The following NAALADL2 variants were observed in gnomAD, a reference collection of about 807,000 sequenced individuals.
NAALADL2 encodes N-acetylated alpha-linked acidic dipeptidase like 2.
NAALADL2 carries 76 observed loss-of-function variants against 87.2 expected under a neutral mutation model. That is an observed-to-expected ratio of 0.87 (90% CI 0.72 to 1.05). NAALADL2 has a LOEUF of 1.05. Among genes scored for constraint, NAALADL2 ranks in the 50% least tolerant of loss-of-function variants. NAALADL2 has a pLI of 0.00. For synonymous variants in NAALADL2, 354 were observed against 331.0 expected, an observed-to-expected ratio of 1.07 and a Z score of -0.75; for missense variants, 1,089 against 945.8, an observed-to-expected ratio of 1.15 and a Z score of -1.99.
intron 3 of NAALADL2, among the ~76,000 whole-genome samples, chr3:174,808,827 C>T (rs1719815381): frequency 6.6e-6 from 1 of 151,046 alleles, no homozygotes; most frequent in South Asian, 2.1e-4. Context: ...TGTGTGTGCA[C>T]ATGCATGTGT....
intron 1 of NAALADL2, among the ~76,000 whole-genome samples, chr3:174,530,900 T>C (rs1243579839): frequency 6.6e-6 from 1 of 152,214 alleles, no homozygotes; most frequent in Non-Finnish European, 1.5e-5. Context: ...TGACTTAAAA[T>C]ATTGAAAGGA....
At chr3:175,333,557 TAAAC>T (rs1761649247) in intron 5 of NAALADL2, among the ~76,000 whole-genome samples, 1 of 152,102 alleles carries the variant, frequency 6.6e-6, no homozygotes, top group African/African-American at 2.4e-5. Flanking sequence ...TCATGTGAAA[TAAAC>T]AAGGCATAGA....
At chr3:175,217,913 A>G (rs906890896) in intron 2 of NAALADL2, among the ~76,000 whole-genome samples, 8 of 152,330 alleles carry the variant, frequency 5.3e-5, no homozygotes, top group African/African-American at 1.9e-4. Flanking sequence ...ATCAGTTTGT[A>G]CGTATAGAAG....
chr3:175,788,883 A>T (rs1752436785), intron 13 of NAALADL2, among the ~76,000 whole-genome samples: 2 of 152,182 alleles, frequency 1.3e-5, no homozygotes, highest in Admixed American at 1.3e-4. Flanking sequence ...TAAAATTTTT[A>T]TTAGCATATC....
At chr3:175,617,867 G>A (rs542646242) in intron 10 of NAALADL2, among the ~76,000 whole-genome samples, 119 of 152,258 alleles carry the variant, frequency 7.8e-4, no homozygotes, top group African/African-American at 2.8e-3. Context: ...TGGAGTAATT[G>A]AGAGGCTTAG....
At chr3:175,708,508 A>G (rs982156296) in intron 11 of NAALADL2, among the ~76,000 whole-genome samples, 12 of 152,014 alleles carry the variant, frequency 7.9e-5, no homozygotes, top group Non-Finnish European at 1.5e-4. Flanking sequence ...TTTTTCTGGG[A>G]ATATAATAAT....
In NAALADL2 at chr3:175,066,006, A is replaced by T. The variant is rs532953058; in HGVS notation, c.44-30784A>T. Among the ~76,000 whole-genome samples, 12 of 152,308 alleles carry T rather than the reference A, an allele frequency of 7.9e-5. No homozygotes were observed. The South Asian group carries it at 2.5e-3, about 32-fold the overall frequency. ...GAGTGAAAGGATGTATAACGGGAAC[A>T]GTGTAACCGAATGCACTTTGAGATT... On this transcript the variant is annotated intron_variant, in intron 1 of 13. Coordinates refer to ENST00000454872, the MANE Select transcript of NAALADL2 (RefSeq NM_207015.3).
intron 2 of NAALADL2, among the ~76,000 whole-genome samples, chr3:175,138,918 A>G (rs4383536): frequency 0.22 from 30,352 of 136,262 alleles, 4,074 homozygotes; most frequent in Non-Finnish European, 0.29. Flanking sequence ...ATATATATAT[A>G]TATATATGAT....
At chr3:175,553,037 T>C (rs906320133) in intron 9 of NAALADL2, among the ~76,000 whole-genome samples, 2 of 152,182 alleles carry the variant, frequency 1.3e-5, no homozygotes, top group African/African-American at 4.8e-5. Flanking sequence ...TTTTTGCCTT[T>C]CAGTATACTC....
At chr3:175,709,960 A>C (rs912229100) in intron 11 of NAALADL2, among the ~76,000 whole-genome samples, 1 of 152,108 alleles carries the variant, frequency 6.6e-6, no homozygotes, top group African/African-American at 2.4e-5. Context: ...GACTGTGAAT[A>C]CAAAAGCTCT....
chr3:175,241,311 C>G (rs1256974337), intron 3 of NAALADL2, among the ~76,000 whole-genome samples: 1 of 152,144 alleles, frequency 6.6e-6, no homozygotes, highest in East Asian at 1.9e-4. Context: ...ACCTCTGCCT[C>G]CCTGCTTCAA....
intron 4 of NAALADL2, among the ~76,000 whole-genome samples, chr3:175,296,898 G>T (rs1212574505): frequency 2.0e-5 from 3 of 152,104 alleles, no homozygotes; most frequent in Non-Finnish European, 4.4e-5. Context: ...GTAGGCAGAG[G>T]CAATGGAAGA....
intron 5 of NAALADL2, among the ~76,000 whole-genome samples, chr3:175,445,825 A>C (rs558920832): frequency 2.4e-4 from 37 of 152,108 alleles, no homozygotes; most frequent in African/African-American, 7.5e-4. Flanking sequence ...CTCTGATCTT[A>C]CTGTAAATAT....
intron 5 of NAALADL2, among the ~76,000 whole-genome samples, chr3:175,396,925 A>G (rs1490290502): frequency 6.6e-6 from 1 of 152,148 alleles, no homozygotes; most frequent in Non-Finnish European, 1.5e-5. Context: ...CTGTGAGTCA[A>G]TTAAACCTCT....
At position 175,592,276 on chromosome 3, in the gene NAALADL2, A is replaced by G. The variant is rs535923171; in HGVS notation, c.1800+16089A>G. Among the ~76,000 whole-genome samples the G allele has an allele frequency of 7.4e-5, 11 of 148,790 alleles. No homozygotes were observed. The East Asian group carries it at 2.0e-3, about 26-fold the overall frequency. ...ATCATCATTGACTATTTTGTTCCTC[A>G]CACCCTAGTCTATTCTTTTCTTTTT... is the stretch of plus-strand genomic sequence containing the variant. On this transcript the variant is annotated intron_variant, in intron 10 of 13. Transcript: ENST00000454872.
chr3:175,131,805 C>A (rs1727952654), intron 2 of NAALADL2, among the ~76,000 whole-genome samples: 1 of 142,864 alleles, frequency 7.0e-6, no homozygotes, highest in Non-Finnish European at 1.5e-5. Context: ...GACGGGGGGC[C>A]TGGCCGGGCG....
rs767320484 is a variant in NAALADL2, at chr3:175,097,135, G to T, written c.389G>T (p.Cys130Phe). 4 of 1,613,708 alleles carry T rather than the reference G, an allele frequency of 2.5e-6. No individual in the cohort carries two copies. In the East Asian group the frequency reaches 8.9e-5, roughly 36 times the overall value. ...TTTTGCCACGTCTTAAAAATACTTTGCACAGCCACCATTTTATTTATTTTT... is the reference window on the plus strand; with the variant it reads ...TTTTGCCACGTCTTAAAAATACTTTTCACAGCCACCATTTTATTTATTTTT... ...CNFCHVLKIL[C>F]TATILFIFGI... The change falls in exon 2 of 14, where the codon TGC becomes TTC. Residue 130 changes from cysteine to phenylalanine, a missense_variant. Physicochemically the swap from Cys to Phe is radical, Grantham distance 205. Coordinates refer to ENST00000454872, the MANE Select transcript of NAALADL2 (RefSeq NM_207015.3).
chr3:175,460,939 G>A (rs1000995443), intron 6 of NAALADL2, among the ~76,000 whole-genome samples: 2 of 152,176 alleles, frequency 1.3e-5, no homozygotes, highest in Admixed American at 6.5e-5. Context: ...GGCTGGTGTG[G>A]CCAGCTTTTA....
intron 11 of NAALADL2, among the ~76,000 whole-genome samples, chr3:175,640,305 GAC>G (rs1273633883): frequency 1.3e-5 from 2 of 152,090 alleles, no homozygotes; most frequent in Non-Finnish European, 2.9e-5. Context: ...AAGCATGAGA[GAC>G]AATGCCACTT....
Sources: allele counts gnomAD v4.1 joint callset (sites outside exome capture counted in the v4.1 genomes callset), GRCh38; gene constraint gnomAD v4.1.1; transcripts MANE v1.5; gene names NCBI Gene and HGNC (gene_info 2026-07-23, HGNC 2026-07-21).